The following SCFD2 variants were observed in gnomAD, a reference collection of about 807,000 sequenced individuals.
SCFD2 encodes the protein sec1 family domain-containing protein 2.
Under a neutral mutation model 58.9 loss-of-function variants are expected in SCFD2, and 54 were observed. That is an observed-to-expected ratio of 0.92 (90% CI 0.74 to 1.15). The LOEUF is 1.15. Ranked by LOEUF, SCFD2 falls within the 50% of genes most tolerant of loss-of-function variation. SCFD2 has a pLI of 0.00. For missense variants in SCFD2, 805 were observed against 836.6 expected (o/e 0.96, Z 0.47); for synonymous variants, 321 against 335.9 (o/e 0.96, Z 0.49).
chr4:53,321,540 A>G (rs1245833698), intron 2 of SCFD2, among the ~76,000 whole-genome samples: 2 of 152,190 alleles, frequency 1.3e-5, no homozygotes, highest in Non-Finnish European at 2.9e-5. Flanking sequence ...TAATAGTCAC[A>G]GTATTCCAAC....
intron 5 of SCFD2, among the ~76,000 whole-genome samples, chr4:52,975,164 A>C (rs1721217133): frequency 6.6e-6 from 1 of 152,232 alleles, no homozygotes; most frequent in Non-Finnish European, 1.5e-5. Context: ...GCCAAAATTG[A>C]CAAATGGGAT....
chr4:53,228,350 A>G (rs1729297741), intron 4 of SCFD2, among the ~76,000 whole-genome samples: 1 of 152,176 alleles, frequency 6.6e-6, no homozygotes, highest in Non-Finnish European at 1.5e-5. Context: ...TGACAACATT[A>G]GACCAAGTTA....
intron 5 of SCFD2, among the ~76,000 whole-genome samples, chr4:53,140,373 A>G (rs1726092526): frequency 7.5e-6 from 1 of 133,282 alleles, no homozygotes; most frequent in East Asian, 2.4e-4. Flanking sequence ...AGTAAAATAA[A>G]AAGAACACCA....
chr4:52,873,929 C>T lies in SCFD2; in HGVS notation c.*40G>A, dbSNP rs778769067. The T allele has an allele frequency of 9.6e-6, 14 of 1,464,204 alleles. No homozygotes were observed. Among genetic ancestry groups the T allele is most frequent in the Non-Finnish European group, 1.3e-5 (14 of 1,043,828 alleles). The allele number at this position is 1,464,204 out of a possible 1,614,324, so 90.7% of individuals were successfully genotyped here. On this transcript the variant is annotated 3_prime_UTR_variant, in exon 9 of 9. Coordinates refer to ENST00000401642, the MANE Select transcript of SCFD2 (RefSeq NM_152540.4). ...GAGTGGTGGCAGAAAATTGCATCGG[C>T]ATTTCCAGCTTGAGTAGGTCTTATC...
At chr4:53,318,851 A>T (rs1475586387) in intron 2 of SCFD2, among the ~76,000 whole-genome samples, 1 of 152,202 alleles carries the variant, frequency 6.6e-6, no homozygotes, top group African/African-American at 2.4e-5. Flanking sequence ...CAGAATTTAC[A>T]AAACTTCTTA....
chr4:53,235,795 A>G (rs1267989531), intron 4 of SCFD2, among the ~76,000 whole-genome samples: 1 of 152,166 alleles, frequency 6.6e-6, no homozygotes, highest in African/African-American at 2.4e-5. Context: ...GTGTGTGCAT[A>G]CGTGTGTGCA....
In SCFD2 at chr4:52,953,812, C is replaced by T. The variant is rs145833573; in HGVS notation, c.1562-32942G>A. On this transcript the variant is annotated intron_variant, in intron 5 of 8. Transcript: ENST00000401642. Reference sequence around the variant, plus strand: ...CCAGGACAGCACTGAAATGAAAAGGCTGGGCAGGAATATTTGATAAATAAT... The same window carrying T: ...CCAGGACAGCACTGAAATGAAAAGGTTGGGCAGGAATATTTGATAAATAAT... Among the ~76,000 whole-genome samples, 10 of 152,334 alleles carry T rather than the reference C, an allele frequency of 6.6e-5. No individual in the cohort carries two copies. In the East Asian group the frequency reaches 1.9e-3, roughly 29 times the overall value.
chr4:53,156,377 GT>G (rs796620735), intron 4 of SCFD2, among the ~76,000 whole-genome samples: 12 of 141,260 alleles, frequency 8.5e-5, no homozygotes, highest in African/African-American at 3.2e-4. Flanking sequence ...TCCAGCCTGG[GT>G]GACAGAGTGA....
intron 5 of SCFD2, among the ~76,000 whole-genome samples, chr4:53,069,857 C>T (rs374516715): frequency 1.1e-4 from 17 of 151,980 alleles, no homozygotes; most frequent in East Asian, 7.7e-4. Flanking sequence ...CTATATTAGA[C>T]ATTCTGGCTT....
intron 5 of SCFD2, among the ~76,000 whole-genome samples, chr4:52,925,983 C>T (rs1275030435): frequency 1.3e-5 from 2 of 152,150 alleles, no homozygotes; most frequent in African/African-American, 4.8e-5. Context: ...ATTCCCCCCT[C>T]ACTCTTCTCC....
chr4:52,884,759 T>C (rs1718696046), intron 8 of SCFD2, among the ~76,000 whole-genome samples: 1 of 152,172 alleles, frequency 6.6e-6, no homozygotes, highest in Non-Finnish European at 1.5e-5. Context: ...GGTTCTCCTC[T>C]TCCAGAAGCC....
At chr4:53,042,660 A>G (rs779979475) in intron 5 of SCFD2, among the ~76,000 whole-genome samples, 1 of 152,050 alleles carries the variant, frequency 6.6e-6, no homozygotes, top group Non-Finnish European at 1.5e-5. Context: ...CAAAATCTCT[A>G]CATATTAGTT....
intron 5 of SCFD2, among the ~76,000 whole-genome samples, chr4:53,092,221 G>A (rs1724490979): frequency 1.3e-5 from 2 of 152,122 alleles, no homozygotes; most frequent in Non-Finnish European, 2.9e-5. Context: ...TGAGCTTTTG[G>A]TGGATTTACA....
chr4:53,117,082 CAGG>C (rs1725345407), intron 5 of SCFD2, among the ~76,000 whole-genome samples: 1 of 152,158 alleles, frequency 6.6e-6, no homozygotes, highest in African/African-American at 2.4e-5. Flanking sequence ...TCATTTTCTA[CAGG>C]AGGAGAGTAG....
At chr4:53,076,415 T>C (rs1723976497) in intron 5 of SCFD2, among the ~76,000 whole-genome samples, 1 of 152,118 alleles carries the variant, frequency 6.6e-6, no homozygotes, top group Admixed American at 6.6e-5. Context: ...GGAAACATGT[T>C]ACCATCCTGC....
chr4:53,056,449 T>C (rs909878796), intron 5 of SCFD2, among the ~76,000 whole-genome samples: 6 of 152,170 alleles, frequency 3.9e-5, no homozygotes, highest in African/African-American at 1.4e-4. Flanking sequence ...AAAGGACCAC[T>C]CCTGGAAGTA....
At chr4:53,153,751 C>A (rs1209901662) in intron 4 of SCFD2, among the ~76,000 whole-genome samples, 1 of 152,148 alleles carries the variant, frequency 6.6e-6, no homozygotes, top group East Asian at 1.9e-4. Context: ...TTATGCTTTG[C>A]TTCCCTTTTA....
intron 5 of SCFD2, among the ~76,000 whole-genome samples, 168 bp from the exon 6 acceptor site, chr4:52,921,038 G>A (rs192459794): frequency 1.3e-5 from 2 of 151,506 alleles, no homozygotes; most frequent in Admixed American, 6.6e-5. Flanking sequence ...CAACTGGGCT[G>A]TTTCAATCGT....
chr4:52,955,221 T>G (rs1048726295), intron 5 of SCFD2, among the ~76,000 whole-genome samples: 1 of 152,150 alleles, frequency 6.6e-6, no homozygotes, highest in Non-Finnish European at 1.5e-5. Flanking sequence ...GGCAGTGGGT[T>G]TTCAGAACTG....
Sources: allele counts gnomAD v4.1 joint callset (sites outside exome capture counted in the v4.1 genomes callset), GRCh38; gene constraint gnomAD v4.1.1; transcripts MANE v1.5; gene names NCBI Gene and HGNC (gene_info 2026-07-23, HGNC 2026-07-21).